Variants in CCL19 observed in about 807,000 individuals in gnomAD.
CCL19 encodes the protein C-C motif chemokine ligand 19, also known as C-C motif chemokine 19.
A neutral mutation model predicts 9.7 loss-of-function variants in CCL19; 5 were observed. The observed-to-expected ratio is 0.51, with a 90% CI of 0.27 to 1.08. The LOEUF (loss-of-function observed/expected upper bound fraction) is 1.08, where lower values mean the gene tolerates loss of function less well. Ranked by LOEUF, CCL19 falls within the 50% of genes least tolerant of loss-of-function variation. The probability of loss-of-function intolerance (pLI) is 0.12; values close to 1 mark genes in which losing one functional copy is unlikely to be tolerated. For synonymous variants in CCL19, 40 were observed against 47.4 expected, an observed-to-expected ratio of 0.84 and a Z score of 0.64; for missense variants, 90 against 122.5, an observed-to-expected ratio of 0.73 and a Z score of 1.25.
intron 2 of CCL19, 79 bp from the exon 3 acceptor site, chr9:34,690,102 A>T: frequency 1.3e-6 from 2 of 1,588,870 alleles, no homozygotes. Context: ...TGTTTCAGGG[A>T]TTTCCTTGAA....
rs750926585 is a variant in CCL19, at chr9:34,689,888, A to G, written c.276+42T>C. The stretch of plus-strand genomic sequence containing the variant: ...ATCATGGGCTGGAATCTTAGACAGG[A>G]GCTCAGAGGGAGGAGACAGGGCCAG... On this transcript the variant is annotated intron_variant, in intron 3 of 3. Transcript: ENST00000311925. This position sits in a 1 kb window ranked among gnomAD's most constrained non-coding sequence, Gnocchi z 4.1. 1 of 1,614,072 alleles carries G rather than the reference A, an allele frequency of 6.2e-7. No individual in the cohort carries two copies. The highest frequency in any genetic ancestry group is 1.6e-4 in the Middle Eastern group (1 of 6,062).
At position 34,691,132 on chromosome 9, in the gene CCL19, A is replaced by C; in HGVS notation, c.8T>G (p.Leu3Arg). Residue 3 changes from leucine (L) to arginine (R), a missense_variant, in exon 1 of 4, where the codon CTG (leucine) becomes CGG (arginine). Physicochemically the swap from Leu to Arg is moderately radical, Grantham distance 102. Coordinates refer to ENST00000311925, the MANE Select transcript of CCL19 (RefSeq NM_006274.3). Reference protein sequence around the residue: MALLLALSLLVLW... With the variant: MARLLALSLLVLW... ...AACCAGCAGGCTGAGGGCCAGTAGC[A>C]GGGCCATGGAGGGTGAACAGAGGCA... The C allele has an allele frequency of 6.2e-7, 1 of 1,613,386 alleles. No individual in the cohort carries two copies. The highest frequency in any genetic ancestry group is 2.2e-5 in the East Asian group (1 of 44,870).
chr9:34,690,267 A>G lies in CCL19; in HGVS notation c.125T>C (p.Ile42Thr), dbSNP rs781035720. 6.2e-7 allele frequency: 1 copy of G among 1,614,066 alleles called. No homozygotes were observed. The highest frequency in any genetic ancestry group is 2.2e-5 in the East Asian group (1 of 44,872). ...SVTQKPIPGYIVRNFHYLLIK... is the reference protein window; with the variant it reads ...SVTQKPIPGYTVRNFHYLLIK... ...GAGAAGGTAGTGGAAGTTCCTCACGATGTACCCAGGGATGGGTTTCTGGGT... is the reference window on the plus strand; with the variant it reads ...GAGAAGGTAGTGGAAGTTCCTCACGGTGTACCCAGGGATGGGTTTCTGGGT... The change falls in exon 2 of 4, where the codon ATC becomes ACC. Residue 42 changes from isoleucine to threonine, a missense_variant. By Grantham distance (89) the Ile-to-Thr change is moderately conservative (BLOSUM62 -1). Transcript: ENST00000311925.
At chr9:34,690,672 G>A (rs192874933) in intron 1 of CCL19, among the ~76,000 whole-genome samples, 2 of 152,272 alleles carry the variant, frequency 1.3e-5, no homozygotes, top group Admixed American at 6.5e-5. Context: ...AAGAGTTAAT[G>A]CAGGTCACAG....
Position 34,689,871 on chromosome 9 carries a change from C to T in CCL19, c.277-32G>A. ...GAGGAAGGAGAGGAAGGATCATGGG[C>T]TGGAATCTTAGACAGGAGCTCAGAG... On this transcript the variant is annotated intron_variant, in intron 3 of 3. Coordinates refer to ENST00000311925, the MANE Select transcript of CCL19 (RefSeq NM_006274.3). This position sits in a 1 kb window ranked among gnomAD's most constrained non-coding sequence, Gnocchi z 4.1. 1 of 1,614,162 alleles carries T rather than the reference C, an allele frequency of 6.2e-7. No homozygotes were observed. The highest frequency in any genetic ancestry group is 1.1e-5 in the South Asian group (1 of 91,090).
Position 34,690,242 on chromosome 9 carries a change from G to A in CCL19, c.150C>T (p.Leu50=), listed in dbSNP as rs1315380082. ...GYIVRNFHYL[L]IKDGCRVPAV... is the part of the protein sequence containing the mutation. ...CAGGCACCCTGCAGCCATCCTTGAT[G>A]AGAAGGTAGTGGAAGTTCCTCACGA... Residue 50 remains leucine (L), a synonymous_variant, in exon 2 of 4, where the codon CTC becomes CTT. Transcript: ENST00000311925. The A allele has an allele frequency of 3.1e-6, 5 of 1,614,052 alleles. No homozygotes were observed. In the African/African-American group the frequency reaches 6.7e-5, roughly 22 times the overall value.
rs1004827028 is a variant in CCL19 at position 34,690,410 on chromosome 9, C to T, written c.50-68G>A. On this transcript the variant is annotated intron_variant, in intron 1 of 3. Coordinates refer to ENST00000311925, the MANE Select transcript of CCL19 (RefSeq NM_006274.3). ...GGGTGGCATGGCCATGGCCCTAGCT[C>T]GGATTGAGGACACCTGTGTGTGTGT... The T allele has an allele frequency of 3.3e-5, 47 of 1,417,308 alleles. 1 individual carries two copies. In the South Asian group the frequency reaches 4.4e-4, roughly 13 times the overall value. 87.8% of individuals were successfully genotyped at this position (1,417,308 alleles called of 1,614,324 possible).
Position 34,690,036 on chromosome 9 carries a change from G to C in CCL19, c.183-13C>G. The C allele has an allele frequency of 1.2e-6, 2 of 1,612,450 alleles. No homozygotes were observed. The highest frequency in any genetic ancestry group is 2.2e-5 in the South Asian group (2 of 91,044). On this transcript the variant is annotated splice_polypyrimidine_tract_variant and intron_variant, in intron 2 of 3. Coordinates refer to ENST00000311925, the MANE Select transcript of CCL19 (RefSeq NM_006274.3). ...CAGTGTGGTGAACCTGGGGTGAGAG[G>C]CCGGAGAGAATGGAGCCCCAGAATC... is the stretch of plus-strand genomic sequence containing the variant.
In CCL19 at chr9:34,691,238, G is replaced by T; in HGVS notation, c.-99C>A. On this transcript the variant is annotated 5_prime_UTR_variant, in exon 1 of 4. Transcript: ENST00000311925. ...AGGCTGCAGGGCGACTGGGATGCAG[G>T]GGTGAAATGCAAGGTGTGAGTGATG... 9.9e-7 allele frequency: 1 copy of T among 1,009,564 alleles called. No homozygotes were observed. Among genetic ancestry groups the T allele is most frequent in the Non-Finnish European group, 1.5e-6 (1 of 662,812 alleles). 62.5% of individuals were successfully genotyped at this position (1,009,564 alleles called of 1,614,324 possible). A position where few individuals can be genotyped will look rare whatever the true frequency, so the allele number is the denominator to read the frequency against.
rs199633743 is a variant in CCL19, at chr9:34,690,039, G to A, written c.183-16C>T. Reference sequence around the variant, plus strand: ...TGTGGTGAACCTGGGGTGAGAGGCCGGAGAGAATGGAGCCCCAGAATCCAG... The same window carrying A: ...TGTGGTGAACCTGGGGTGAGAGGCCAGAGAGAATGGAGCCCCAGAATCCAG... On this transcript the variant is annotated splice_polypyrimidine_tract_variant and intron_variant, in intron 2 of 3. Coordinates refer to ENST00000311925, the MANE Select transcript of CCL19 (RefSeq NM_006274.3). The A allele has an allele frequency of 4.1e-5, 66 of 1,611,360 alleles. 1 individual carries two copies. Among genetic ancestry groups the A allele is most frequent in the South Asian group, 2.3e-4 (21 of 90,988 alleles).
In CCL19 at chr9:34,689,817, G is replaced by A; in HGVS notation, c.*2C>T. On this transcript the variant is annotated 3_prime_UTR_variant, in exon 4 of 4. Coordinates refer to ENST00000311925, the MANE Select transcript of CCL19 (RefSeq NM_006274.3). This position sits in a 1 kb window ranked among gnomAD's most constrained non-coding sequence, Gnocchi z 4.1. The stretch of plus-strand genomic sequence containing the variant: ...TCCGGGCTCCCTCTGCACGGTCATA[G>A]GTTAACTGCTGCGGCGCTTCATCTA... 6.2e-7 allele frequency: 1 copy of A among 1,614,158 alleles called. No individual in the cohort carries two copies. Among genetic ancestry groups the A allele is most frequent in the Non-Finnish European group, 8.5e-7 (1 of 1,180,014 alleles).
Position 34,689,782 on chromosome 9 carries a change from T to C in CCL19, c.*37A>G, listed in dbSNP as rs746260284. The C allele has an allele frequency of 6.2e-6, 10 of 1,613,550 alleles. No homozygotes were observed. In the African/African-American group the frequency reaches 1.3e-4, roughly 22 times the overall value. ...AGGTTAGGTAATAATTCACAATGCT[T>C]GACTCGGACTCCGGGCTCCCTCTGC... is the stretch of plus-strand genomic sequence containing the variant. On this transcript the variant is annotated 3_prime_UTR_variant, in exon 4 of 4. Transcript: ENST00000311925. The surrounding 1 kb of genome is among the most constrained non-coding windows in gnomAD (Gnocchi z 4.1).
chr9:34,691,026 G>T (rs1587264001), intron 1 of CCL19, 65 bp downstream of exon 1: 1 of 1,389,118 alleles, frequency 7.2e-7, no homozygotes, highest in Non-Finnish European at 1.0e-6. Flanking sequence ...AGCAATCTGA[G>T]ATCTAGACAT....
Position 34,691,089 on chromosome 9 carries a change from A to G in CCL19, c.49+2T>C, listed in dbSNP as rs1190551664. On this transcript the variant is annotated splice_donor_variant, in intron 1 of 3. Transcript: ENST00000311925. LOFTEE classifies it high-confidence loss of function. ...TGACCCTGACTCTCCCTTCAGCCTTACCTGGGGAAGTCCAGAGAACCAGCA... is the reference window on the plus strand; with the variant it reads ...TGACCCTGACTCTCCCTTCAGCCTTGCCTGGGGAAGTCCAGAGAACCAGCA... 2 of 1,608,054 alleles carry G rather than the reference A, an allele frequency of 1.2e-6. No homozygotes were observed. Among genetic ancestry groups the G allele is most frequent in the African/African-American group, 1.3e-5 (1 of 74,908 alleles).
rs772784144 is a variant in CCL19, at chr9:34,691,109, C to G, written c.31G>C (p.Val11Leu). 4 of 1,612,578 alleles carry G rather than the reference C, an allele frequency of 2.5e-6. No homozygotes were observed. The South Asian group carries it at 4.4e-5, about 18-fold the overall frequency. MALLLALSLL[V>L]LWTSPAPTLS... ...GCCTTACCTGGGGAAGTCCAGAGAACCAGCAGGCTGAGGGCCAGTAGCAGG... is the reference window on the plus strand; with the variant it reads ...GCCTTACCTGGGGAAGTCCAGAGAAGCAGCAGGCTGAGGGCCAGTAGCAGG... Residue 11 changes from valine (V) to leucine (L), a missense_variant, in exon 1 of 4, where the codon GTT becomes CTT. Coordinates refer to ENST00000311925, the MANE Select transcript of CCL19 (RefSeq NM_006274.3).
At position 34,691,123 on chromosome 9, in the gene CCL19, G is replaced by C; in HGVS notation, c.17C>G (p.Ala6Gly). 6.2e-7 allele frequency: 1 copy of C among 1,613,374 alleles called. No individual in the cohort carries two copies. Among genetic ancestry groups the C allele is most frequent in the South Asian group, 1.1e-5 (1 of 90,830 alleles). The change falls in exon 1 of 4, where the codon GCC (alanine) becomes GGC (glycine). Residue 6 changes from alanine (A) to glycine (G), a missense_variant. Coordinates refer to ENST00000311925, the MANE Select transcript of CCL19 (RefSeq NM_006274.3). MALLLALSLLVLWTSP... is the reference protein window; with the variant it reads MALLLGLSLLVLWTSP... ...AGTCCAGAGAACCAGCAGGCTGAGG[G>C]CCAGTAGCAGGGCCATGGAGGGTGA...
intron 1 of CCL19, 37 bp from the exon 2 acceptor site, chr9:34,690,379 C>A (rs765597015): frequency 1.2e-5 from 20 of 1,602,978 alleles, no homozygotes; most frequent in Non-Finnish European, 1.6e-5. Flanking sequence ...ACACAGGGAC[C>A]CTTGAGGGTG....
chr9:34,691,201 A>G lies in CCL19; in HGVS notation c.-62T>C. 3 of 1,522,140 alleles carry G rather than the reference A, an allele frequency of 2.0e-6. No individual in the cohort carries two copies. The highest frequency in any genetic ancestry group is 2.7e-6 in the Non-Finnish European group (3 of 1,102,658). The allele number at this position is 1,522,140 out of a possible 1,614,324, so 94.3% of individuals were successfully genotyped here. On this transcript the variant is annotated 5_prime_UTR_variant, in exon 1 of 4. Transcript: ENST00000311925. ...GAGCGCCAGCTGTCTGGGTGTGTGC[A>G]GGATCTGTGTGAGGCTGCAGGGCGA... is the stretch of plus-strand genomic sequence containing the variant.
At position 34,690,464 on chromosome 9, in the gene CCL19, G is replaced by GTGTT. The variant is rs1437970814; in HGVS notation, c.50-123_50-122insAACA. On this transcript the variant is annotated intron_variant, in intron 1 of 3. Transcript: ENST00000311925. ...TGTGTGTGTGTGTGTGTGTGTGTGT[G>GTGTT]TGTGTCTGGTGGGGTCGGGGAGGAG... 8.8e-6 allele frequency: 8 copies of GTGTT among 913,592 alleles called. No individual in the cohort carries two copies. The African/African-American group carries it at 1.3e-4, about 15-fold the overall frequency. 56.6% of individuals were successfully genotyped at this position (913,592 alleles called of 1,614,324 possible). A position where few individuals can be genotyped will look rare whatever the true frequency, so the allele number is the denominator to read the frequency against.
Sources: allele counts gnomAD v4.1 joint callset (sites outside exome capture counted in the v4.1 genomes callset), GRCh38; gene constraint gnomAD v4.1.1; non-coding constraint Gnocchi (gnomAD v3.1); transcripts MANE v1.5; gene names NCBI Gene and HGNC (gene_info 2026-07-23, HGNC 2026-07-21).